COL24A1: variants seen among roughly 807,000 people sequenced by gnomAD.
The protein encoded by COL24A1 is collagen type XXIV alpha 1 chain.
In COL24A1, 224 loss-of-function variants were observed where a neutral mutation model predicts 253.9. The observed-to-expected ratio is 0.88, with a 90% CI of 0.79 to 0.99. The LOEUF (loss-of-function observed/expected upper bound fraction) is 0.99. COL24A1 is among the 50% of genes least tolerant of loss of function. The pLI is 0.00. For missense variants in COL24A1, 2,131 were observed against 2,068.5 expected (o/e 1.03, Z -0.59); for synonymous variants, 685 against 673.7 (o/e 1.02, Z -0.26).
chr1:86,090,862 A>G (rs1270959913), intron 6 of COL24A1, among the ~76,000 whole-genome samples: 3 of 152,174 alleles, frequency 2.0e-5, no homozygotes, highest in Non-Finnish European at 2.9e-5. Flanking sequence ...AAAGACTAAC[A>G]TGCTTCCAAG....
chr1:85,730,823 T>C, intron 59 of COL24A1, 131 bp from the exon 60 acceptor site: 1 of 865,946 alleles, frequency 1.2e-6, no homozygotes, highest in East Asian at 2.6e-5. Context: ...CCTAGAACAA[T>C]GCTCAATAAA....
At chr1:85,964,886 C>A in intron 23 of COL24A1, 123 bp downstream of exon 23, 1 of 755,470 alleles carries the variant, frequency 1.3e-6, no homozygotes, top group South Asian at 2.1e-5. Flanking sequence ...CTCTTTGTAA[C>A]AGTTTTAACA....
intron 43 of COL24A1, among the ~76,000 whole-genome samples, chr1:85,828,228 A>G (rs1480102490): frequency 1.3e-5 from 2 of 151,914 alleles, no homozygotes; most frequent in East Asian, 1.9e-4. Context: ...GTAGTTGAGC[A>G]GTTTTGAGTG....
rs77893940 is a variant in COL24A1 at position 86,067,008 on chromosome 1, G to A, written c.1708-3249C>T. Among the ~76,000 whole-genome samples the A allele has an allele frequency of 1.6e-4, 24 of 152,090 alleles. No individual in the cohort carries two copies. In the South Asian group the frequency reaches 3.1e-3, roughly 20 times the overall value. On this transcript the variant is annotated intron_variant, in intron 7 of 59. Transcript: ENST00000370571. The stretch of plus-strand genomic sequence containing the variant: ...AAAAAAATTAGCCAGGTGTGGTGGC[G>A]TTTTCCTGTAATCCCAGCTACTTGG...
intron 20 of COL24A1, among the ~76,000 whole-genome samples, chr1:85,983,108 CTT>C (rs1247170885): frequency 1.3e-5 from 2 of 151,988 alleles, no homozygotes; most frequent in Non-Finnish European, 2.9e-5. Context: ...TCTATAAAAA[CTT>C]ATCAGGTCTG....
intron 52 of COL24A1, among the ~76,000 whole-genome samples, chr1:85,778,260 C>G (rs976037912): frequency 6.6e-6 from 1 of 152,014 alleles, no homozygotes; most frequent in South Asian, 2.1e-4. Flanking sequence ...TCTGCCACTA[C>G]GCCAGGCTCA....
chr1:86,008,711 T>G (rs1006331494), intron 19 of COL24A1, among the ~76,000 whole-genome samples: 4 of 151,946 alleles, frequency 2.6e-5, no homozygotes, highest in Admixed American at 1.3e-4. Context: ...GATCTCTATT[T>G]GAAAATTACA....
At chr1:85,941,591 A>T (rs780086773) in intron 24 of COL24A1, among the ~76,000 whole-genome samples, 8 of 151,672 alleles carry the variant, frequency 5.3e-5, no homozygotes, top group Non-Finnish European at 1.0e-4. Context: ...GGGTATTTAA[A>T]ATCTCTGGAC....
At chr1:86,063,098 T>C (rs957197647) in intron 8 of COL24A1, among the ~76,000 whole-genome samples, 1 of 152,152 alleles carries the variant, frequency 6.6e-6, no homozygotes, top group African/African-American at 2.4e-5. Context: ...TATTTTTTTC[T>C]GTGACATAAT....
At chr1:85,883,986 T>C (rs1327742178) in intron 32 of COL24A1, among the ~76,000 whole-genome samples, 2 of 152,240 alleles carry the variant, frequency 1.3e-5, no homozygotes, top group Non-Finnish European at 2.9e-5. Context: ...TATTTTATTT[T>C]ACCTTTATTT....
chr1:86,091,589 A>G (rs1466621628), intron 6 of COL24A1, among the ~76,000 whole-genome samples: 1 of 152,124 alleles, frequency 6.6e-6, no homozygotes, highest in African/African-American at 2.4e-5. Flanking sequence ...CTCCATTTGT[A>G]TTTATCCTCA....
chr1:86,089,452 C>A (rs914481767), intron 6 of COL24A1, among the ~76,000 whole-genome samples: 83 of 152,262 alleles, frequency 5.5e-4, no homozygotes, highest in African/African-American at 1.9e-3. Context: ...GCTCCGTTTT[C>A]TCTGATGTTC....
At chr1:86,014,088 T>C (rs6679444) in intron 19 of COL24A1, among the ~76,000 whole-genome samples, 8,846 of 152,280 alleles carry the variant, frequency 0.058, 572 homozygotes, top group African/African-American at 0.16. Context: ...ATGCTGTGTA[T>C]AACTCATTTA....
At chr1:85,777,732 C>T (rs79070012) in intron 52 of COL24A1, among the ~76,000 whole-genome samples, 4,398 of 152,200 alleles carry the variant, frequency 0.029, 210 homozygotes, top group African/African-American at 0.1. Context: ...TTTAACAAAT[C>T]TTTCCATAAA....
intron 18 of COL24A1, among the ~76,000 whole-genome samples, chr1:86,018,675 T>TGAAA (rs1697217686): frequency 6.6e-6 from 1 of 152,230 alleles, no homozygotes; most frequent in East Asian, 1.9e-4. Context: ...TGATTGCAAA[T>TGAAA]TTCCTATGAA....
Position 85,816,874 on chromosome 1 carries a change from GC to G in COL24A1, c.3864del (p.Pro1289GlnfsTer49). On this transcript the variant is annotated frameshift_variant, in exon 47 of 60. Coordinates refer to ENST00000370571, the MANE Select transcript of COL24A1 (RefSeq NM_152890.7). LOFTEE classifies it high-confidence loss of function. ...CCATGGTATCCTTGTATGCCTTTTG[GC>G]CCAAGTAGGCCTTGAAGTCCCTTGA... Reference protein sequence around the residue: ...PGIPGLQGLLGPKGIQGYHGA... With the variant: ...PGIPGLQGLLXPKGIQGYHGA... The G allele has an allele frequency of 1.2e-6, 2 of 1,613,796 alleles. No individual in the cohort carries two copies. Among genetic ancestry groups the G allele is most frequent in the Non-Finnish European group, 1.7e-6 (2 of 1,179,818 alleles).
intron 55 of COL24A1, among the ~76,000 whole-genome samples, chr1:85,745,902 G>T (rs912041870): frequency 6.6e-6 from 1 of 152,126 alleles, no homozygotes; most frequent in Non-Finnish European, 1.5e-5. Context: ...TTCTTGGAAG[G>T]AGTAGAATAA....
intron 42 of COL24A1, 116 bp downstream of exon 42, chr1:85,841,106 C>A: frequency 1.4e-6 from 1 of 721,946 alleles, no homozygotes; most frequent in South Asian, 1.9e-5. Flanking sequence ...CCTATCAAAC[C>A]ATGTTATAAA....
chr1:85,849,281 A>G, intron 38 of COL24A1, 72 bp downstream of exon 38: 1 of 1,105,954 alleles, frequency 9.0e-7, no homozygotes, highest in African/African-American at 1.6e-5. Context: ...AATTAAAAAC[A>G]TTACAGCAGT....
Sources: allele counts gnomAD v4.1 joint callset (sites outside exome capture counted in the v4.1 genomes callset), GRCh38; gene constraint gnomAD v4.1.1; transcripts MANE v1.5; gene names NCBI Gene and HGNC (gene_info 2026-07-23, HGNC 2026-07-21).